Variants in ALCAM observed in about 807,000 individuals in gnomAD.
ALCAM encodes CD166 antigen.
Under a neutral mutation model 70.9 loss-of-function variants are expected in ALCAM, and 30 were observed. That is an observed-to-expected ratio of 0.42 (90% CI 0.32 to 0.57). The LOEUF (loss-of-function observed/expected upper bound fraction) is 0.57. ALCAM is among the 20% of genes least tolerant of loss of function. ALCAM has a pLI of 0.11. For synonymous variants in ALCAM, 249 were observed against 242.5 expected (o/e 1.03, Z -0.25); for missense variants, 591 against 695.1 (o/e 0.85, Z 1.68).
At chr3:105,368,095 C>G (rs1290195314) in intron 1 of ALCAM, among the ~76,000 whole-genome samples, 1 of 151,806 alleles carries the variant, frequency 6.6e-6, no homozygotes, top group East Asian at 1.9e-4. Flanking sequence ...GAAAGGGTGA[C>G]CGCAGGCAGA....
At chr3:105,429,123 T>C (rs1257442311) in intron 1 of ALCAM, among the ~76,000 whole-genome samples, 1 of 152,006 alleles carries the variant, frequency 6.6e-6, no homozygotes, top group Non-Finnish European at 1.5e-5. Context: ...TCAAATTCCA[T>C]CTGCAAAAAA....
chr3:105,547,098 C>A, intron 9 of ALCAM, 51 bp from the exon 10 acceptor site: 1 of 1,437,182 alleles, frequency 7.0e-7, no homozygotes, highest in South Asian at 1.5e-5. Context: ...AATAAATACA[C>A]TGAGAATTTT....
intron 1 of ALCAM, among the ~76,000 whole-genome samples, chr3:105,467,028 A>T (rs893045007): frequency 6.6e-6 from 1 of 151,372 alleles, no homozygotes; most frequent in Non-Finnish European, 1.5e-5. Flanking sequence ...ATGGAGTTTA[A>T]TTCTCAACTT....
At chr3:105,471,861 A>G (rs1444677830) in intron 1 of ALCAM, among the ~76,000 whole-genome samples, 1 of 151,266 alleles carries the variant, frequency 6.6e-6, no homozygotes, top group Non-Finnish European at 1.5e-5. Flanking sequence ...TATTAACGCT[A>G]GTCCCCATGC....
At chr3:105,403,364 T>G (rs1936139838) in intron 1 of ALCAM, among the ~76,000 whole-genome samples, 1 of 152,084 alleles carries the variant, frequency 6.6e-6, no homozygotes, top group African/African-American at 2.4e-5. Flanking sequence ...CCCTGATACC[T>G]TCACCGGAGC....
intron 14 of ALCAM, among the ~76,000 whole-genome samples, chr3:105,571,466 C>G (rs1030496259): frequency 1.3e-5 from 2 of 152,090 alleles, no homozygotes; most frequent in African/African-American, 4.8e-5. Context: ...AGGGAACGCG[C>G]CTTCATGAAA....
chr3:105,435,400 T>G (rs1209682725), intron 1 of ALCAM, among the ~76,000 whole-genome samples: 1 of 152,216 alleles, frequency 6.6e-6, no homozygotes, highest in Non-Finnish European at 1.5e-5. Flanking sequence ...ACACAAACCC[T>G]GCTGGACGTT....
chr3:105,564,960 A>G (rs1940710759), intron 14 of ALCAM, among the ~76,000 whole-genome samples: 1 of 152,074 alleles, frequency 6.6e-6, no homozygotes, highest in African/African-American at 2.4e-5. Flanking sequence ...AACCTGGGAG[A>G]CAGAGGTTGC....
chr3:105,450,946 T>C (rs1937412150), intron 1 of ALCAM, among the ~76,000 whole-genome samples: 1 of 151,716 alleles, frequency 6.6e-6, no homozygotes, highest in Non-Finnish European at 1.5e-5. Context: ...AATTAATCAA[T>C]TCCAAACATG....
chr3:105,442,230 G>T (rs946407071), intron 1 of ALCAM, among the ~76,000 whole-genome samples: 5 of 151,968 alleles, frequency 3.3e-5, no homozygotes, highest in Admixed American at 6.6e-5. Flanking sequence ...TTCTCCCTCA[G>T]GTTTGAGGTA....
At chr3:105,412,553 T>G (rs1299406184) in intron 1 of ALCAM, among the ~76,000 whole-genome samples, 2 of 152,128 alleles carry the variant, frequency 1.3e-5, no homozygotes, top group Non-Finnish European at 2.9e-5. Context: ...CTTTTGCGTT[T>G]GGGAAGTAGA....
intron 14 of ALCAM, among the ~76,000 whole-genome samples, chr3:105,571,296 G>C (rs562960): frequency 0.15 from 23,228 of 152,114 alleles, 1,945 homozygotes; most frequent in Admixed American, 0.27. Flanking sequence ...CATAATTTGA[G>C]AACCAGCCAC....
At chr3:105,369,465 G>T (rs1935169126) in intron 1 of ALCAM, among the ~76,000 whole-genome samples, 1 of 152,214 alleles carries the variant, frequency 6.6e-6, no homozygotes, top group Non-Finnish European at 1.5e-5. Flanking sequence ...CAGATCCGTG[G>T]TTTCGGTGAA....
chr3:105,371,859 C>T (rs1366318444), intron 1 of ALCAM, among the ~76,000 whole-genome samples: 1 of 152,108 alleles, frequency 6.6e-6, no homozygotes, highest in Non-Finnish European at 1.5e-5. Flanking sequence ...TCAATGTATA[C>T]ATAGAAACTT....
At chr3:105,414,633 T>A (rs1300773988) in intron 1 of ALCAM, among the ~76,000 whole-genome samples, 1 of 152,068 alleles carries the variant, frequency 6.6e-6, no homozygotes, top group Non-Finnish European at 1.5e-5. Flanking sequence ...ATGTTCAGGG[T>A]ACTGAAATGT....
chr3:105,378,855 T>C (rs1018327980), intron 1 of ALCAM, among the ~76,000 whole-genome samples: 6 of 151,954 alleles, frequency 3.9e-5, no homozygotes, highest in Non-Finnish European at 8.8e-5. Context: ...TTTTCTAGAA[T>C]CCATCCAAAG....
chr3:105,508,667 G>A (rs1258691673), intron 1 of ALCAM, among the ~76,000 whole-genome samples: 1 of 152,072 alleles, frequency 6.6e-6, no homozygotes, highest in Non-Finnish European at 1.5e-5. Flanking sequence ...CTTGTGAAAT[G>A]ATGACTACAG....
intron 1 of ALCAM, among the ~76,000 whole-genome samples, chr3:105,382,204 C>A (rs1935540380): frequency 6.6e-6 from 1 of 151,232 alleles, no homozygotes; most frequent in Admixed American, 6.6e-5. Context: ...GTTTTTTGTC[C>A]TTGCCATAGT....
chr3:105,530,591 C>T (rs1041642429), intron 3 of ALCAM, among the ~76,000 whole-genome samples: 2 of 151,608 alleles, frequency 1.3e-5, no homozygotes, highest in African/African-American at 4.8e-5. Flanking sequence ...ATGTTTTGTT[C>T]CCAATCAGTG....
Sources: allele counts gnomAD v4.1 joint callset (sites outside exome capture counted in the v4.1 genomes callset), GRCh38; gene constraint gnomAD v4.1.1; transcripts MANE v1.5; gene names NCBI Gene and HGNC (gene_info 2026-07-23, HGNC 2026-07-21).